ADAMTSL4: variants seen among roughly 807,000 people sequenced by gnomAD.
The protein encoded by ADAMTSL4 is ADAMTS-like protein 4.
ADAMTSL4 carries 97 observed loss-of-function variants against 122.8 expected under a neutral mutation model. That is an observed-to-expected ratio of 0.79 (90% CI 0.67 to 0.93). The LOEUF (loss-of-function observed/expected upper bound fraction) is 0.93. Ranked by LOEUF, ADAMTSL4 falls within the 40% of genes least tolerant of loss-of-function variation. ADAMTSL4 has a pLI of 0.00. For synonymous variants in ADAMTSL4, 592 were observed against 568.0 expected, an observed-to-expected ratio of 1.04 and a Z score of -0.60; for missense variants, 1,408 against 1,453.5, an observed-to-expected ratio of 0.97 and a Z score of 0.51.
intron 14 of ADAMTSL4, 127 bp downstream of exon 14, chr1:150,558,276 A>G (rs1440747028): frequency 4.6e-6 from 7 of 1,534,868 alleles, no homozygotes; most frequent in East Asian, 2.4e-5. Flanking sequence ...TGGACCCCCA[A>G]TATAGAAGTC....
Position 150,553,411 on chromosome 1 carries a change from G to C in ADAMTSL4, c.435-15G>C. The C allele has an allele frequency of 1.2e-6, 2 of 1,613,672 alleles. No individual in the cohort carries two copies. The highest frequency in any genetic ancestry group is 1.7e-6 in the Non-Finnish European group (2 of 1,179,852). ...TGGTCAGAGCTGTGCCCCCACATCT[G>C]AAACACCTTCTCAGGTCCCGGCTTC... On this transcript the variant is annotated splice_polypyrimidine_tract_variant and intron_variant, in intron 5 of 18. Coordinates refer to ENST00000271643, the MANE Select transcript of ADAMTSL4 (RefSeq NM_019032.6).
Position 150,560,283 on chromosome 1 carries a change from C to T in ADAMTSL4, c.*87C>T. 6.4e-7 allele frequency: 1 copy of T among 1,566,942 alleles called. No homozygotes were observed. Among genetic ancestry groups the T allele is most frequent in the South Asian group, 1.1e-5 (1 of 87,604 alleles). On this transcript the variant is annotated 3_prime_UTR_variant, in exon 19 of 19. Transcript: ENST00000271643. ...ACTCTGAACCCCCTGGCTCTCCAGCCTGTCCCAGTCTCAGCAGGGATGTCC... is the reference window on the plus strand; with the variant it reads ...ACTCTGAACCCCCTGGCTCTCCAGCTTGTCCCAGTCTCAGCAGGGATGTCC...
At chr1:150,551,297 T>TGG (rs1397571187) in intron 2 of ADAMTSL4, 1 of 341,054 alleles carries the variant, frequency 2.9e-6, no homozygotes, top group Non-Finnish European at 5.8e-6. Context: ...CCAGAGTGGG[T>TGG]GTTACATTGC....
Position 150,553,704 on chromosome 1 carries a change from C to G in ADAMTSL4, c.713C>G (p.Thr238Arg). ...CCTCTAAGCCCTGAAACTGCTCAGACAGAGGTGGCCCCCAGAACCAGGCCT... is the reference window on the plus strand; with the variant it reads ...CCTCTAAGCCCTGAAACTGCTCAGAGAGAGGTGGCCCCCAGAACCAGGCCT... ...AEPLSPETAQ[T>R]EVAPRTRPAP... The change falls in exon 6 of 19, where the codon ACA becomes AGA. Residue 238 changes from threonine to arginine, a missense_variant. Thr to Arg is a moderately conservative substitution (Grantham distance 71). Transcript: ENST00000271643. The G allele has an allele frequency of 6.2e-7, 1 of 1,613,344 alleles. No individual in the cohort carries two copies.
rs1672154805 is a variant in ADAMTSL4, at chr1:150,556,634, TGGG to T, written c.1593_1595del (p.Gly532del). On this transcript the variant is annotated inframe_deletion, in exon 10 of 19. Coordinates refer to ENST00000271643, the MANE Select transcript of ADAMTSL4 (RefSeq NM_019032.6). This position sits in a 1 kb window ranked among gnomAD's most constrained non-coding sequence, Gnocchi z 4.1. ...TCTGACCCGCAGCACTTCGTGGCCC[TGGG>T]GGCCGGTCCATCATCAATGGGAACT... 1 of 1,613,962 alleles carries T rather than the reference TGGG, an allele frequency of 6.2e-7. No homozygotes were observed. Among genetic ancestry groups the T allele is most frequent in the Non-Finnish European group, 8.5e-7 (1 of 1,179,984 alleles).
rs1671786166 is a variant in ADAMTSL4, at chr1:150,554,377, G to A, written c.1144G>A (p.Glu382Lys). The change falls in exon 7 of 19, where the codon GAG becomes AAG. Residue 382 changes from glutamate (E) to lysine (K), a missense_variant. Coordinates refer to ENST00000271643, the MANE Select transcript of ADAMTSL4 (RefSeq NM_019032.6). The surrounding 1 kb of genome is among the most constrained non-coding windows in gnomAD (Gnocchi z 4.0). Reference protein sequence around the residue: ...RACSQAPCPPEQPDPRALQCA... With the variant: ...RACSQAPCPPKQPDPRALQCA... The stretch of plus-strand genomic sequence containing the variant: ...CCCCTCACCGCAGCCCTGCCCCCCT[G>A]AGCAGCCAGACCCCCGGGCCCTGCA... The A allele has an allele frequency of 6.2e-7, 1 of 1,613,220 alleles. No homozygotes were observed.
chr1:150,555,640 T>C (rs1346527241), intron 8 of ADAMTSL4, 75 bp downstream of exon 8: 14 of 1,523,914 alleles, frequency 9.2e-6, no homozygotes, highest in Middle Eastern at 1.7e-4. Context: ...TGCATACACA[T>C]GTACACACAT....
chr1:150,554,222 G>C lies in ADAMTSL4; in HGVS notation c.1131+100G>C. ...CTTCCGCTTGGCACCTGAGGGAGAA[G>C]GGCCTTGGCATCTGACCACCTCAGG... On this transcript the variant is annotated intron_variant, in intron 6 of 18. Coordinates refer to ENST00000271643, the MANE Select transcript of ADAMTSL4 (RefSeq NM_019032.6). The surrounding 1 kb of genome is among the most constrained non-coding windows in gnomAD (Gnocchi z 4.0). 1 of 1,489,052 alleles carries C rather than the reference G, an allele frequency of 6.7e-7. No homozygotes were observed. The highest frequency in any genetic ancestry group is 1.1e-5 in the South Asian group (1 of 88,128). The allele number at this position is 1,489,052 out of a possible 1,614,324, so 92.2% of individuals were successfully genotyped here. A position where few individuals can be genotyped will look rare whatever the true frequency, so the allele number is the denominator to read the frequency against.
rs368482584 is a variant in ADAMTSL4, at chr1:150,557,296, C to T, written c.2008C>T (p.Arg670Ter). The T allele has an allele frequency of 2.1e-5, 34 of 1,611,948 alleles. No homozygotes were observed. The highest frequency in any genetic ancestry group is 1.7e-4 in the Middle Eastern group (1 of 5,814). The change falls in exon 12 of 19, where the codon CGA becomes TGA. Residue 670 changes from arginine to a stop codon, truncating the protein, a stop_gained. Coordinates refer to ENST00000271643, the MANE Select transcript of ADAMTSL4 (RefSeq NM_019032.6). LOFTEE classifies it high-confidence loss of function. The part of the protein sequence containing the change: ...PLGSPAAYWK[R>*]VGHSACSASC... ...GGGGTCTCCAGCTGCGTACTGGAAACGAGTGGGACACTCTGCATGCTCAGC... is the reference window on the plus strand; with the variant it reads ...GGGGTCTCCAGCTGCGTACTGGAAATGAGTGGGACACTCTGCATGCTCAGC...
At position 150,557,313 on chromosome 1, in the gene ADAMTSL4, A is replaced by C. The variant is rs1349085058; in HGVS notation, c.2025A>C (p.Ala675=). ...ACTGGAAACGAGTGGGACACTCTGC[A>C]TGCTCAGCGTCCTGCGGGAAAGGTG... ...AAYWKRVGHS[A]CSASCGKGVW... Residue 675 remains alanine (A), a synonymous_variant, in exon 12 of 19, where the codon GCA becomes GCC. Coordinates refer to ENST00000271643, the MANE Select transcript of ADAMTSL4 (RefSeq NM_019032.6). The C allele has an allele frequency of 1.9e-6, 3 of 1,611,738 alleles. No individual in the cohort carries two copies.
chr1:150,558,303 C>G, intron 14 of ADAMTSL4, 154 bp downstream of exon 14: 1 of 1,511,032 alleles, frequency 6.6e-7, no homozygotes, highest in Non-Finnish European at 8.8e-7. Context: ...GGGACTGAAC[C>G]AGGGACTGGG....
At position 150,554,430 on chromosome 1, in the gene ADAMTSL4, C is replaced by T. The variant is rs780280898; in HGVS notation, c.1197C>T (p.Phe399=). The T allele has an allele frequency of 1.2e-6, 2 of 1,614,052 alleles. No individual in the cohort carries two copies. Among genetic ancestry groups the T allele is most frequent in the African/African-American group, 1.3e-5 (1 of 74,928 alleles). The change falls in exon 7 of 19, where the codon TTC becomes TTT. Residue 399 remains phenylalanine (F), a synonymous_variant. Transcript: ENST00000271643. The surrounding 1 kb of genome is among the most constrained non-coding windows in gnomAD (Gnocchi z 4.0). The part of the protein sequence containing the change: ...LQCAAFNSQE[F]MGQLYQWEPF... ...GCGCAGCCTTTAACTCCCAGGAATT[C>T]ATGGGCCAGCTGTATCAGTGGGAGC...
chr1:150,558,461 TC>T lies in ADAMTSL4; in HGVS notation c.2383-11del, dbSNP rs748624709. 34 of 1,612,960 alleles carry T rather than the reference TC, an allele frequency of 2.1e-5. No homozygotes were observed. Among genetic ancestry groups the T allele is most frequent in the Non-Finnish European group, 2.8e-5 (33 of 1,179,886 alleles). ...GGAAGCCCAGCTCCCTGGATTCCCC[TC>T]GCCCCCTCAGTGCTCCGTGCGGTGC... is the stretch of plus-strand genomic sequence containing the variant. On this transcript the variant is annotated splice_polypyrimidine_tract_variant and intron_variant, in intron 14 of 18. Transcript: ENST00000271643.
rs1671480880 is a variant in ADAMTSL4 at position 150,552,218 on chromosome 1, C to T, written c.-71C>T. The T allele has an allele frequency of 1.5e-5, 22 of 1,496,128 alleles. No individual in the cohort carries two copies. Among genetic ancestry groups the T allele is most frequent in the Middle Eastern group, 2.0e-4 (1 of 4,896 alleles). The allele number at this position is 1,496,128 out of a possible 1,614,324, so 92.7% of individuals were successfully genotyped here. A position where few individuals can be genotyped will look rare whatever the true frequency, so the allele number is the denominator to read the frequency against. ...CTGTCCCTGCAGAGAGCACCCTCCA[C>T]GCCCAGATGCCTGCGTAGTTTTTGT... is the stretch of plus-strand genomic sequence containing the variant. On this transcript the variant is annotated 5_prime_UTR_variant, in exon 3 of 19. It adds an upstream start codon to the 5' untranslated region. Transcript: ENST00000271643. The surrounding 1 kb of genome is among the most constrained non-coding windows in gnomAD (Gnocchi z 4.0).
At position 150,556,921 on chromosome 1, in the gene ADAMTSL4, A is replaced by G. The variant is rs1560297241; in HGVS notation, c.1750-18A>G. The G allele has an allele frequency of 2.5e-6, 4 of 1,612,396 alleles. No individual in the cohort carries two copies. The highest frequency in any genetic ancestry group is 4.5e-5 in the East Asian group (2 of 44,864). On this transcript the variant is annotated intron_variant, in intron 10 of 18. Transcript: ENST00000271643. The surrounding 1 kb of genome is among the most constrained non-coding windows in gnomAD (Gnocchi z 4.1). ...TTCTGGCCACCCCCACATATTCATTATCTTCTCTTCTCCCCAGATGATCTT... is the reference window on the plus strand; with the variant it reads ...TTCTGGCCACCCCCACATATTCATTGTCTTCTCTTCTCCCCAGATGATCTT...
Position 150,560,844 on chromosome 1 carries a change from C to G in ADAMTSL4, c.*648C>G, listed in dbSNP as rs1429226558. ...GTGAGCATCCGCTCCCCCACCACCC[C>G]GCCCAGCCCCTAGCCCCACTCCCTG... On this transcript the variant is annotated 3_prime_UTR_variant, in exon 19 of 19. Transcript: ENST00000271643. 6.3e-6 allele frequency: 1 copy of G among 158,738 alleles called. No individual in the cohort carries two copies. The highest frequency in any genetic ancestry group is 1.4e-5 in the Non-Finnish European group (1 of 71,480). 9.8% of individuals were successfully genotyped at this position (158,738 alleles called of 1,614,324 possible). A position where few individuals can be genotyped will look rare whatever the true frequency, so the allele number is the denominator to read the frequency against.
In ADAMTSL4 at chr1:150,555,572, G is replaced by A. The variant is rs755864429; in HGVS notation, c.1371+7G>A. On this transcript the variant is annotated splice_region_variant and intron_variant, in intron 8 of 18. Transcript: ENST00000271643. ...TGTGGCTGGACGCTGTCTGGTGAGG[G>A]AAGACAGTGTGTGTGTGCACACACA... 5.6e-6 allele frequency: 9 copies of A among 1,613,504 alleles called. No individual in the cohort carries two copies. The highest frequency in any genetic ancestry group is 6.8e-6 in the Non-Finnish European group (8 of 1,179,984).
chr1:150,552,247 C>T lies in ADAMTSL4; in HGVS notation c.-42C>T. On this transcript the variant is annotated 5_prime_UTR_variant, in exon 3 of 19. Coordinates refer to ENST00000271643, the MANE Select transcript of ADAMTSL4 (RefSeq NM_019032.6). This position sits in a 1 kb window ranked among gnomAD's most constrained non-coding sequence, Gnocchi z 4.0. Reference sequence around the variant, plus strand: ...CAGATGCCTGCGTAGTTTTTGTGACCAGTCCGCTCCTGCCTCCCCCTGGGG... The same window carrying T: ...CAGATGCCTGCGTAGTTTTTGTGACTAGTCCGCTCCTGCCTCCCCCTGGGG... 6.5e-7 allele frequency: 1 copy of T among 1,548,136 alleles called. No homozygotes were observed. The highest frequency in any genetic ancestry group is 8.7e-7 in the Non-Finnish European group (1 of 1,144,680).
At position 150,555,239 on chromosome 1, in the gene ADAMTSL4, C is replaced by T. The variant is rs112312596; in HGVS notation, c.1235-190C>T. Among the ~76,000 whole-genome samples the T allele has an allele frequency of 0.041, 6,260 of 152,192 alleles. 176 individuals are homozygous for T. The highest frequency in any genetic ancestry group is 0.058 in the Non-Finnish European group (3,925 of 68,002). ...TCCTGACCGAATGATGCACCCACCT[C>T]GGCCTCCCAGAGTGCTGGGATTACA... On this transcript the variant is annotated intron_variant, in intron 7 of 18. Transcript: ENST00000271643.
Sources: gnomAD v4.1 joint callset for allele counts (sites outside exome capture counted in the v4.1 genomes callset) on GRCh38, gnomAD v4.1.1 for gene constraint, Gnocchi (gnomAD v3.1) non-coding constraint, MANE v1.5 for transcripts, NCBI Gene and HGNC (gene_info 2026-07-23, HGNC 2026-07-21) for gene names.